PDE1C: variants seen among roughly 807,000 people sequenced by gnomAD.
The protein encoded by PDE1C is dual specificity calcium/calmodulin-dependent 3',5'-cyclic nucleotide phosphodiesterase 1C.
A neutral mutation model predicts 93.1 loss-of-function variants in PDE1C; 62 were observed. That is an observed-to-expected ratio of 0.67 (90% CI 0.54 to 0.82). PDE1C has a LOEUF of 0.82. PDE1C is among the 40% of genes least tolerant of loss of function. The pLI, the probability that PDE1C is intolerant of heterozygous loss-of-function variation, is 0.00. For synonymous variants in PDE1C, 325 were observed against 310.1 expected, an observed-to-expected ratio of 1.05 and a Z score of -0.50; for missense variants, 742 against 884.6, an observed-to-expected ratio of 0.84 and a Z score of 2.04.
chr7:32,056,021 G>A (rs750384936), intron 1 of PDE1C, among the ~76,000 whole-genome samples: 1 of 152,108 alleles, frequency 6.6e-6, no homozygotes, highest in African/African-American at 2.4e-5. Flanking sequence ...TTCCTGGCTT[G>A]TTTTTAAAAT....
intron 1 of PDE1C, among the ~76,000 whole-genome samples, chr7:32,063,702 T>G (rs1795064121): frequency 6.6e-6 from 1 of 152,250 alleles, no homozygotes; most frequent in Admixed American, 6.5e-5. Flanking sequence ...AGAATGTATT[T>G]CAGAGAGATT....
At chr7:31,942,974 T>C (rs372577740) in intron 2 of PDE1C, among the ~76,000 whole-genome samples, 3 of 152,152 alleles carry the variant, frequency 2.0e-5, no homozygotes, top group Non-Finnish European at 4.4e-5. Context: ...CTTAAAAATA[T>C]AGATGGCTAT....
At chr7:32,239,272 C>T (rs1417170294) in intron 1 of PDE1C, among the ~76,000 whole-genome samples, 1 of 152,000 alleles carries the variant, frequency 6.6e-6, no homozygotes, top group Non-Finnish European at 1.5e-5. Flanking sequence ...GGTGTGTGCT[C>T]ATACTAGCTA....
At chr7:32,253,865 T>C (rs898170511) in intron 1 of PDE1C, among the ~76,000 whole-genome samples, 10 of 152,218 alleles carry the variant, frequency 6.6e-5, no homozygotes, top group African/African-American at 2.2e-4. Flanking sequence ...GATCAATGAC[T>C]GTGATCAGAG....
intron 3 of PDE1C, among the ~76,000 whole-genome samples, chr7:32,164,207 A>G (rs945557947): frequency 6.6e-6 from 1 of 152,232 alleles, no homozygotes; most frequent in Non-Finnish European, 1.5e-5. Context: ...GGATTCCCCA[A>G]GGAATTCATT....
upstream of PDE1C, among the ~76,000 whole-genome samples, chr7:32,075,227 C>G (rs1796283349): frequency 6.6e-6 from 1 of 152,102 alleles, no homozygotes; most frequent in South Asian, 2.1e-4. Context: ...TTTTTTCTTT[C>G]AGCTATGAGA....
At chr7:31,993,002 G>A (rs1289128032) in intron 2 of PDE1C, among the ~76,000 whole-genome samples, 1 of 152,104 alleles carries the variant, frequency 6.6e-6, no homozygotes, top group Non-Finnish European at 1.5e-5. Flanking sequence ...GTATTGTCTA[G>A]AATAATTATA....
intron 2 of PDE1C, among the ~76,000 whole-genome samples, chr7:31,927,297 C>G (rs1400347545): frequency 3.3e-5 from 5 of 152,194 alleles, no homozygotes; most frequent in African/African-American, 7.2e-5. Context: ...CAGCCTCAGT[C>G]AGGGGCTTAT....
intron 1 of PDE1C, among the ~76,000 whole-genome samples, chr7:32,419,986 A>G (rs990930729): frequency 2.7e-5 from 4 of 148,022 alleles, no homozygotes; most frequent in African/African-American, 1.0e-4. Context: ...GCAGTTTGGG[A>G]GGTGGAGGTG....
At chr7:31,723,904 C>T in the PDE1C span, among the ~76,000 whole-genome samples, 6 of 152,272 alleles carry the variant, frequency 3.9e-5, no homozygotes, top group South Asian at 8.3e-4. Context: ...TCCTACCACC[C>T]TCAGTCTCTC....
intron 6 of PDE1C, among the ~76,000 whole-genome samples, chr7:31,869,983 C>T (rs11763013): frequency 0.2 from 29,817 of 151,796 alleles, 3,049 homozygotes; most frequent in South Asian, 0.24. Context: ...AACAAATACA[C>T]GGAAATTAAA....
At chr7:31,727,250 A>C in the PDE1C span, among the ~76,000 whole-genome samples, 2 of 152,178 alleles carry the variant, frequency 1.3e-5, no homozygotes, top group Non-Finnish European at 2.9e-5. Context: ...AATGAGTAAT[A>C]AGCTTAGCTT....
chr7:32,341,173 C>CTATTTTTTATTTATTTTT (rs796122014), intron 1 of PDE1C, among the ~76,000 whole-genome samples: 5 of 84,952 alleles, frequency 5.9e-5, no homozygotes, highest in East Asian at 4.6e-4. Flanking sequence ...GAAATAAAGT[C>CTATTTTTTATTTATTTTT]TTTTTTTTTT....
chr7:32,326,791 G>A (rs1783411549), intron 1 of PDE1C, among the ~76,000 whole-genome samples: 1 of 152,182 alleles, frequency 6.6e-6, no homozygotes, highest in South Asian at 2.1e-4. Context: ...GATAAAAGGC[G>A]TCAAGAGAAC....
chr7:32,373,370 A>G (rs1274745881), intron 1 of PDE1C, among the ~76,000 whole-genome samples: 1 of 152,242 alleles, frequency 6.6e-6, no homozygotes, highest in Non-Finnish European at 1.5e-5. Flanking sequence ...ACAAAAGACA[A>G]TGTATTATTT....
intron 2 of PDE1C, among the ~76,000 whole-genome samples, chr7:31,942,316 G>C (rs1317676817): frequency 6.6e-6 from 1 of 152,036 alleles, no homozygotes; most frequent in South Asian, 2.1e-4. Flanking sequence ...CAGTTTCAGG[G>C]TCACTAGCTC....
intron 11 of PDE1C, among the ~76,000 whole-genome samples, chr7:31,830,257 C>T (rs1039509874): frequency 1.3e-5 from 2 of 151,546 alleles, no homozygotes; most frequent in Non-Finnish European, 2.9e-5. Context: ...ATGAGTCCAA[C>T]TTGAGTGATA....
At chr7:32,193,966 G>A (rs370346831) in intron 2 of PDE1C, among the ~76,000 whole-genome samples, 1 of 144,756 alleles carries the variant, frequency 6.9e-6, no homozygotes, top group East Asian at 2.1e-4. Flanking sequence ...CCAGGCTGGA[G>A]TGCAGTGGCA....
chr7:31,934,811 G>GA (rs1451909653), intron 2 of PDE1C, among the ~76,000 whole-genome samples: 1 of 152,108 alleles, frequency 6.6e-6, no homozygotes, highest in African/African-American at 2.4e-5. Context: ...AGGCTTGCCT[G>GA]CCGTTCTTTT....
Sources: allele counts gnomAD v4.1 joint callset (sites outside exome capture counted in the v4.1 genomes callset), GRCh38; gene constraint gnomAD v4.1.1; transcripts MANE v1.5; gene names NCBI Gene and HGNC (gene_info 2026-07-23, HGNC 2026-07-21).